VPS13C: variants seen among roughly 807,000 people sequenced by gnomAD.
The protein encoded by VPS13C is vacuolar protein sorting 13 homolog C.
VPS13C carries 358 observed loss-of-function variants against 456.8 expected under a neutral mutation model. The ratio of observed to expected loss-of-function variants is 0.78; its 90% confidence interval spans 0.72 to 0.86. The LOEUF (loss-of-function observed/expected upper bound fraction) is 0.86. VPS13C is among the 40% of genes least tolerant of loss of function. The pLI is 0.00. For missense variants in VPS13C, 4,818 were observed against 4,385.4 expected, an observed-to-expected ratio of 1.10 and a Z score of -2.79; for synonymous variants, 1,578 against 1,486.7, an observed-to-expected ratio of 1.06 and a Z score of -1.41.
chr15:62,048,098 T>C (rs1377936919), intron 1 of VPS13C, among the ~76,000 whole-genome samples: 3 of 151,478 alleles, frequency 2.0e-5, no homozygotes, highest in Non-Finnish European at 4.4e-5. Context: ...GTTCTCATTT[T>C]CTTTTTTTAT....
intron 50 of VPS13C, 122 bp downstream of exon 50, chr15:61,930,968 C>T: frequency 3.5e-6 from 4 of 1,128,060 alleles, no homozygotes; most frequent in African/African-American, 1.6e-5. Context: ...CAATTCAAAT[C>T]AGGAAGTATG....
rs370354566 is a variant in VPS13C at position 61,854,910 on chromosome 15, A to G, written c.11121T>C (p.Cys3707=). 74 of 1,613,510 alleles carry G rather than the reference A, an allele frequency of 4.6e-5. No homozygotes were observed. The highest frequency in any genetic ancestry group is 6.1e-5 in the Non-Finnish European group (72 of 1,179,786). ...TGTCCTTCAGGTAAACTTTTCGAACACAGCCTTGATTGGCACTGTCTTTTT... is the reference window on the plus strand; with the variant it reads ...TGTCCTTCAGGTAAACTTTTCGAACGCAGCCTTGATTGGCACTGTCTTTTT... ...FHKKDSANQG[C]VRKVYLKDTA... Residue 3707 remains cysteine (C), a synonymous_variant, in exon 84 of 85, where the codon TGT becomes TGC. Coordinates refer to ENST00000644861, the MANE Select transcript of VPS13C (RefSeq NM_020821.3).
intron 58 of VPS13C, 58 bp from the exon 59 acceptor site, chr15:61,918,315 A>G: frequency 7.1e-7 from 1 of 1,409,062 alleles, no homozygotes; most frequent in Non-Finnish European, 9.5e-7. Context: ...GAAAGAAAAA[A>G]TGAGAGCCAC....
At position 61,854,407 on chromosome 15, in the gene VPS13C, C is replaced by T. The variant is rs1400436207; in HGVS notation, c.*50G>A. 6.6e-6 allele frequency: 10 copies of T among 1,506,348 alleles called. No homozygotes were observed. Among genetic ancestry groups the T allele is most frequent in the Middle Eastern group, 1.7e-4 (1 of 5,868 alleles). The allele number at this position is 1,506,348 out of a possible 1,614,324, so 93.3% of individuals were successfully genotyped here. On this transcript the variant is annotated 3_prime_UTR_variant, in exon 85 of 85. Coordinates refer to ENST00000644861, the MANE Select transcript of VPS13C (RefSeq NM_020821.3). ...AAGATAAAGCAGAGTGACTTATAGA[C>T]AAGACCAGTGATTGTTTTTTCTCCC...
rs1042617367 is a variant in VPS13C at position 62,051,687 on chromosome 15, G to A, written c.101-7432C>T. 1.1e-4 allele frequency among the ~76,000 whole-genome samples: 16 copies of A among 152,084 alleles called. 1 individual carries two copies. The highest frequency in any genetic ancestry group is 2.2e-4 in the African/African-American group (9 of 41,402). On this transcript the variant is annotated intron_variant, in intron 1 of 84. Transcript: ENST00000644861. Reference sequence around the variant, plus strand: ...TTGGTCTCTGTATTTGCAAAGAGACGTAAAAAAATCCAAAACAAAAAGGAT... The same window carrying A: ...TTGGTCTCTGTATTTGCAAAGAGACATAAAAAAATCCAAAACAAAAAGGAT...
At chr15:61,887,506 T>C (rs532171394) in intron 67 of VPS13C, among the ~76,000 whole-genome samples, 5 of 152,156 alleles carry the variant, frequency 3.3e-5, no homozygotes, top group South Asian at 2.1e-4. Context: ...CTAGACAACA[T>C]GGTGAATTCC....
intron 4 of VPS13C, among the ~76,000 whole-genome samples, chr15:62,034,221 A>T (rs1026895335): frequency 6.6e-6 from 1 of 151,726 alleles, no homozygotes; most frequent in African/African-American, 2.4e-5. Context: ...AAACTGTGAA[A>T]CCTATCAAAA....
intron 19 of VPS13C, among the ~76,000 whole-genome samples, chr15:61,984,274 G>A (rs1031408930): frequency 6.6e-6 from 1 of 152,050 alleles, no homozygotes; most frequent in East Asian, 1.9e-4. Context: ...TAAAAGTTCT[G>A]ATCACTGTTG....
intron 79 of VPS13C, 54 bp from the exon 80 acceptor site, chr15:61,869,677 T>A: frequency 1.2e-6 from 2 of 1,606,598 alleles, no homozygotes; most frequent in Admixed American, 3.4e-5. Context: ...ATGAGCAAGT[T>A]TGAGCTCAAC....
At chr15:62,019,743 G>A (rs1267886990) in intron 9 of VPS13C, among the ~76,000 whole-genome samples, 1 of 151,986 alleles carries the variant, frequency 6.6e-6, no homozygotes, top group African/African-American at 2.4e-5. Flanking sequence ...GAGGTGTGGT[G>A]CTGAGAAGAA....
chr15:61,977,238 C>A (rs2045731165), intron 23 of VPS13C, 39 bp from the exon 24 acceptor site: 5 of 1,247,384 alleles, frequency 4.0e-6, no homozygotes, highest in Non-Finnish European at 5.5e-6. Flanking sequence ...ATTATTTTTA[C>A]AAACAGCCAT....
chr15:61,963,756 A>G (rs1030508193), intron 32 of VPS13C, 79 bp downstream of exon 32: 2 of 1,006,214 alleles, frequency 2.0e-6, no homozygotes, highest in Admixed American at 2.0e-5. Context: ...TTATTTGTAC[A>G]TTCTTTAGCA....
In VPS13C at chr15:61,880,899, C is replaced by G; in HGVS notation, c.9832G>C (p.Gly3278Arg). 2 of 1,610,500 alleles carry G rather than the reference C, an allele frequency of 1.2e-6. No homozygotes were observed. Among genetic ancestry groups the G allele is most frequent in the South Asian group, 1.1e-5 (1 of 90,268 alleles). ...MALKIDQGFL[G>R]AIIALFTPTT... is the part of the protein sequence containing the mutation. ...GGGGTAAACAGTGCAATAATAGCTC[C>G]TAGAAACCCTTGATCAATTTTTAAG... Residue 3278 changes from glycine to arginine, a missense_variant, in exon 72 of 85, where the codon GGA (glycine) becomes CGA (arginine). By Grantham distance (125) the Gly-to-Arg change is moderately radical (BLOSUM62 -2). Transcript: ENST00000644861.
At chr15:62,037,768 C>T (rs2048114130) in intron 3 of VPS13C, among the ~76,000 whole-genome samples, 1 of 151,794 alleles carries the variant, frequency 6.6e-6, no homozygotes, top group Non-Finnish European at 1.5e-5. Context: ...GCATATAGGG[C>T]CACAATACTT....
At chr15:61,931,376 T>C in intron 49 of VPS13C, 117 bp from the exon 50 acceptor site, 1 of 1,031,526 alleles carries the variant, frequency 9.7e-7, no homozygotes, top group South Asian at 1.9e-5. Flanking sequence ...ATTTTAAAAG[T>C]ATGAGTGCTA....
chr15:62,026,895 T>C (rs564711804), intron 6 of VPS13C, among the ~76,000 whole-genome samples: 2 of 152,262 alleles, frequency 1.3e-5, no homozygotes, highest in South Asian at 4.1e-4. Context: ...CAGTGACTAC[T>C]ACTACAGTCT....
chr15:61,931,139 T>C lies in VPS13C; in HGVS notation c.5989A>G (p.Thr1997Ala). Residue 1997 changes from threonine to alanine, a missense_variant, in exon 50 of 85, where the codon ACA becomes GCA. Around this residue, in one of 3 missense-constraint regions of VPS13C, gnomAD observed 4,552 missense variants for 4,130.6 expected, o/e 1.10. Coordinates refer to ENST00000644861, the MANE Select transcript of VPS13C (RefSeq NM_020821.3). ...GSMNVSVKLK[T>A]CTLDDLREGI... ...TCTCTGAGATCATCAAGGGTGCATGTCTTAAGTTTAACGCTGACATTCATT... is the reference window on the plus strand; with the variant it reads ...TCTCTGAGATCATCAAGGGTGCATGCCTTAAGTTTAACGCTGACATTCATT... The C allele has an allele frequency of 6.2e-7, 1 of 1,614,120 alleles. No homozygotes were observed. The highest frequency in any genetic ancestry group is 8.5e-7 in the Non-Finnish European group (1 of 1,180,010).
At chr15:62,017,736 T>C (rs1453096319) in intron 9 of VPS13C, among the ~76,000 whole-genome samples, 1 of 152,202 alleles carries the variant, frequency 6.6e-6, no homozygotes, top group Non-Finnish European at 1.5e-5. Context: ...TCCAGCTTTG[T>C]TCTTTTGGCT....
At chr15:61,950,290 T>A in intron 41 of VPS13C, 68 bp downstream of exon 41, 3 of 1,170,332 alleles carry the variant, frequency 2.6e-6, no homozygotes, top group Non-Finnish European at 3.8e-6. Context: ...ATCTCACAGT[T>A]GAAAATGGCT....
Sources: gnomAD v4.1 joint callset for allele counts (sites outside exome capture counted in the v4.1 genomes callset) on GRCh38, gnomAD v4.1.1 for gene constraint, gnomAD v4.1.1 regional missense constraint, MANE v1.5 for transcripts, NCBI Gene and HGNC (gene_info 2026-07-23, HGNC 2026-07-21) for gene names.